TENM3: variants seen among roughly 807,000 people sequenced by gnomAD.
The protein encoded by TENM3 is teneurin transmembrane protein 3.
In TENM3, 63 loss-of-function variants were observed where a neutral mutation model predicts 255.1. The ratio of observed to expected loss-of-function variants is 0.25; its 90% CI spans 0.20 to 0.30. The LOEUF is 0.30. TENM3 is among the 10% of genes least tolerant of loss of function. The pLI is 1.00. For missense variants in TENM3, 2,929 were observed against 3,461.1 expected (o/e 0.85, Z 3.86); for synonymous variants, 1,306 against 1,322.3 (o/e 0.99, Z 0.27).
chr4:181,605,584 G>GAAAGATAGAAAGAAAGAAA, the TENM3 span, among the ~76,000 whole-genome samples: 18 of 69,194 alleles, frequency 2.6e-4, 3 homozygotes, highest in Non-Finnish European at 3.9e-4. Context: ...GAGAAAGAAA[G>GAAAGATAGAAAGAAAGAAA]GAAAGAAAGA....
At chr4:182,124,781 A>G in the TENM3 span, among the ~76,000 whole-genome samples, 1 of 152,254 alleles carries the variant, frequency 6.6e-6, no homozygotes, top group East Asian at 1.9e-4. Flanking sequence ...GTTCAACTGC[A>G]GTCAACTACA....
At chr4:182,463,506 T>C (rs1047938672) in intron 3 of TENM3, among the ~76,000 whole-genome samples, 10 of 152,114 alleles carry the variant, frequency 6.6e-5, no homozygotes, top group Non-Finnish European at 1.2e-4. Context: ...AATCTCACTC[T>C]GTCGCCCAGG....
the TENM3 span, among the ~76,000 whole-genome samples, chr4:181,903,042 A>G: frequency 1.3e-5 from 2 of 152,172 alleles, no homozygotes; most frequent in Non-Finnish European, 2.9e-5. Context: ...ATTCTTTCAC[A>G]GTTTGATTGC....
chr4:182,604,747 G>T (rs945734874), intron 4 of TENM3, among the ~76,000 whole-genome samples: 3 of 152,110 alleles, frequency 2.0e-5, no homozygotes, highest in African/African-American at 7.2e-5. Flanking sequence ...ATTTATTAAA[G>T]TCTTGTTTTA....
chr4:181,969,103 T>G, the TENM3 span, among the ~76,000 whole-genome samples: 201 of 152,260 alleles, frequency 1.3e-3, no homozygotes, highest in African/African-American at 4.8e-3. Context: ...TAGCATTAGC[T>G]TGTTAATTTT....
the TENM3 span, among the ~76,000 whole-genome samples, chr4:181,940,616 G>A: frequency 5.3e-5 from 8 of 152,190 alleles, no homozygotes; most frequent in African/African-American, 1.9e-4. Context: ...TGATAAGACT[G>A]CAATTTTATG....
chr4:182,189,112 A>G (rs916705820), intron 1 of TENM3, among the ~76,000 whole-genome samples: 2 of 152,134 alleles, frequency 1.3e-5, no homozygotes, highest in Admixed American at 1.3e-4. Flanking sequence ...TTTTAAATGT[A>G]TTTTTTGTAT....
At chr4:182,742,774 G>A (rs1438331761) in intron 18 of TENM3, among the ~76,000 whole-genome samples, 1 of 152,158 alleles carries the variant, frequency 6.6e-6, no homozygotes, top group Non-Finnish European at 1.5e-5. Flanking sequence ...GGCTAAGGCT[G>A]CACCTCAGAC....
chr4:182,671,411 T>C (rs186797115), intron 6 of TENM3, among the ~76,000 whole-genome samples: 62 of 152,308 alleles, frequency 4.1e-4, no homozygotes, highest in Middle Eastern at 3.4e-3. Context: ...TAGCGATGTT[T>C]ATCCCAGCTC....
At chr4:182,219,830 A>C (rs1235871494) in intron 1 of TENM3, among the ~76,000 whole-genome samples, 1 of 152,206 alleles carries the variant, frequency 6.6e-6, no homozygotes, top group South Asian at 2.1e-4. Flanking sequence ...CAGTCAAATG[A>C]TGAAGTCTGC....
intron 2 of TENM3, among the ~76,000 whole-genome samples, chr4:182,325,798 G>A (rs1050098417): frequency 6.6e-6 from 1 of 151,948 alleles, no homozygotes; most frequent in Middle Eastern, 3.2e-3. Flanking sequence ...AATATTATTC[G>A]AAGGAAACAG....
At chr4:181,858,459 C>T in the TENM3 span, among the ~76,000 whole-genome samples, 1 of 152,238 alleles carries the variant, frequency 6.6e-6, no homozygotes, top group Middle Eastern at 3.4e-3. Context: ...GAGTAGCCAT[C>T]GTTATATCAA....
chr4:182,309,341 C>T (rs1049497389), intron 1 of TENM3, among the ~76,000 whole-genome samples: 1 of 152,146 alleles, frequency 6.6e-6, no homozygotes, highest in African/African-American at 2.4e-5. Flanking sequence ...GGGCAGTAGA[C>T]AGTGTATATG....
intron 3 of TENM3, among the ~76,000 whole-genome samples, chr4:182,567,255 C>T (rs1743886724): frequency 6.6e-6 from 1 of 152,178 alleles, no homozygotes; most frequent in Non-Finnish European, 1.5e-5. Flanking sequence ...TTCCTGTCCT[C>T]TTTATTGCCA....
chr4:181,772,284 G>A, the TENM3 span, among the ~76,000 whole-genome samples: 21 of 151,932 alleles, frequency 1.4e-4, no homozygotes, highest in South Asian at 6.2e-4. Flanking sequence ...AGGCTGAGGC[G>A]GGAGAATTGC....
chr4:182,060,692 T>TACAC, the TENM3 span, among the ~76,000 whole-genome samples: 3 of 151,990 alleles, frequency 2.0e-5, no homozygotes, highest in Non-Finnish European at 2.9e-5. Flanking sequence ...CAACTTGTAA[T>TACAC]ACACACACAC....
At chr4:182,211,836 C>CT (rs1318689919) in intron 1 of TENM3, among the ~76,000 whole-genome samples, 2 of 152,092 alleles carry the variant, frequency 1.3e-5, no homozygotes, top group African/African-American at 4.8e-5. Flanking sequence ...TACCGTGTGA[C>CT]TTTGTACAGA....
chr4:182,114,621 A>G, the TENM3 span, among the ~76,000 whole-genome samples: 49 of 152,132 alleles, frequency 3.2e-4, no homozygotes, highest in Non-Finnish European at 6.2e-4. Flanking sequence ...ATTAAAATGC[A>G]TAAGTAATAA....
At chr4:181,790,243 C>T in the TENM3 span, among the ~76,000 whole-genome samples, 1 of 152,102 alleles carries the variant, frequency 6.6e-6, no homozygotes, top group Non-Finnish European at 1.5e-5. Flanking sequence ...CACGTGGGTT[C>T]TGCACTGAGT....
Sources: gnomAD v4.1 joint callset for allele counts (sites outside exome capture counted in the v4.1 genomes callset) on GRCh38, gnomAD v4.1.1 for gene constraint, MANE v1.5 for transcripts, NCBI Gene and HGNC (gene_info 2026-07-23, HGNC 2026-07-21) for gene names.